Variants in NCALD observed in about 807,000 individuals in gnomAD.
The protein encoded by NCALD is neurocalcin-delta.
Under a neutral mutation model 18.6 loss-of-function variants are expected in NCALD, and 10 were observed. The observed-to-expected ratio is 0.54, with a 90% CI of 0.33 to 0.91. The LOEUF (loss-of-function observed/expected upper bound fraction) is 0.91, where lower values mean the gene tolerates loss of function less well. Among genes scored for constraint, NCALD ranks in the 40% least tolerant of loss-of-function variants. NCALD has a pLI of 0.03. For synonymous variants in NCALD, 88 were observed against 87.4 expected (o/e 1.01, Z -0.04); for missense variants, 184 against 247.6 (o/e 0.74, Z 1.72).
intron 1 of NCALD, among the ~76,000 whole-genome samples, chr8:102,119,445 CAG>C (rs1315946663): frequency 6.6e-6 from 1 of 152,138 alleles, no homozygotes; most frequent in Non-Finnish European, 1.5e-5. Context: ...TTAGTGGAAA[CAG>C]AGTTTCAGCT....
intron 1 of NCALD, among the ~76,000 whole-genome samples, chr8:102,050,763 ATAATTT>A (rs986025215): frequency 6.8e-6 from 1 of 146,640 alleles, no homozygotes; most frequent in African/African-American, 2.5e-5. Flanking sequence ...ATATAAATAT[ATAATTT>A]TATTTTTAAT....
intron 2 of NCALD, among the ~76,000 whole-genome samples, chr8:101,947,547 TG>T (rs549577900): frequency 9.6e-4 from 146 of 152,304 alleles, no homozygotes; most frequent in African/African-American, 3.4e-3. Context: ...TAAAAAAGAC[TG>T]CATTGACATG....
At chr8:101,950,048 A>C (rs1413064771) in intron 2 of NCALD, among the ~76,000 whole-genome samples, 1 of 152,244 alleles carries the variant, frequency 6.6e-6, no homozygotes, top group East Asian at 1.9e-4. Context: ...CTGATCATTT[A>C]GACGTCAAGA....
Position 101,823,733 on chromosome 8 carries a change from A to G in NCALD, c.-20+63408T>C, listed in dbSNP as rs138870956. ...TGTTCTTTAACTGGGATTTAAGATC[A>G]CAATGTAGCAAAGCTTTAGGAGGAA... On this transcript the variant is annotated intron_variant, in intron 4 of 6. Transcript: ENST00000311028. 9.0e-3 allele frequency among the ~76,000 whole-genome samples: 1,365 copies of G among 152,336 alleles called. 14 individuals are homozygous for G. The highest frequency in any genetic ancestry group is 0.013 in the Non-Finnish European group (889 of 68,018).
upstream of NCALD, among the ~76,000 whole-genome samples, chr8:101,793,077 A>C (rs968362610): frequency 2.7e-4 from 41 of 152,322 alleles, 1 homozygote; most frequent in African/African-American, 9.9e-4. Context: ...CTGGCTGGGC[A>C]TGGTGGCTCA....
intron 2 of NCALD, among the ~76,000 whole-genome samples, chr8:101,706,645 G>C (rs1371627926): frequency 1.3e-5 from 2 of 152,218 alleles, no homozygotes; most frequent in African/African-American, 4.8e-5. Flanking sequence ...TCACGAATTT[G>C]AGTGCTCCTT....
chr8:101,819,754 T>A (rs1813644730), intron 4 of NCALD, among the ~76,000 whole-genome samples: 1 of 152,174 alleles, frequency 6.6e-6, no homozygotes, highest in South Asian at 2.1e-4. Flanking sequence ...ATTCTTCATA[T>A]GAATAACACT....
chr8:101,765,158 G>T lies in NCALD; in HGVS notation c.-20+25704C>A, dbSNP rs180942080. 3.0e-3 allele frequency among the ~76,000 whole-genome samples: 450 copies of T among 152,236 alleles called. 3 individuals are homozygous for T. Among genetic ancestry groups the T allele is most frequent in the Middle Eastern group, 0.014 (4 of 294 alleles). On this transcript the variant is annotated intron_variant, in intron 1 of 3. Transcript: ENST00000220931. Reference sequence around the variant, plus strand: ...TATCCTAATATAGACTTCTATACACGGCACTCCAGGCAAACAGAACTTACA... The same window carrying T: ...TATCCTAATATAGACTTCTATACACTGCACTCCAGGCAAACAGAACTTACA...
chr8:101,822,051 C>A (rs1251693124), intron 4 of NCALD, among the ~76,000 whole-genome samples: 1 of 152,102 alleles, frequency 6.6e-6, no homozygotes, highest in Non-Finnish European at 1.5e-5. Flanking sequence ...ATTCTTACTG[C>A]ATAAGGTTGT....
intron 4 of NCALD, among the ~76,000 whole-genome samples, chr8:101,831,389 C>T (rs1043590268): frequency 6.6e-6 from 1 of 152,282 alleles, no homozygotes; most frequent in African/African-American, 2.4e-5. Context: ...TTATCTTCAC[C>T]TAGGTTCATT....
intron 2 of NCALD, among the ~76,000 whole-genome samples, chr8:101,996,458 A>C (rs1821243179): frequency 6.6e-6 from 1 of 152,228 alleles, no homozygotes; most frequent in Admixed American, 6.5e-5. Context: ...TACAGCACCG[A>C]GCATTGGATC....
chr8:102,111,380 A>T (rs1395434738), intron 1 of NCALD, among the ~76,000 whole-genome samples: 1 of 151,680 alleles, frequency 6.6e-6, no homozygotes, highest in African/African-American at 2.4e-5. Flanking sequence ...ACTTCCAACA[A>T]CTGAGAAAAT....
chr8:102,089,809 A>T (rs1286721156), intron 1 of NCALD, among the ~76,000 whole-genome samples: 1 of 152,210 alleles, frequency 6.6e-6, no homozygotes, highest in African/African-American at 2.4e-5. Flanking sequence ...TATCTCATAA[A>T]GGAAATTCTG....
At chr8:102,116,999 C>T (rs751315862) in intron 1 of NCALD, among the ~76,000 whole-genome samples, 4 of 152,210 alleles carry the variant, frequency 2.6e-5, no homozygotes, top group Non-Finnish European at 5.9e-5. Flanking sequence ...AGCAATGTGA[C>T]GTGCAGCGCA....
At chr8:101,826,459 T>C (rs1476392107) in intron 4 of NCALD, among the ~76,000 whole-genome samples, 1 of 152,218 alleles carries the variant, frequency 6.6e-6, no homozygotes, top group Non-Finnish European at 1.5e-5. Flanking sequence ...TCAAGTAAGA[T>C]TGACTTTGGA....
intron 4 of NCALD, among the ~76,000 whole-genome samples, chr8:101,880,728 A>G (rs546406629): frequency 6.6e-6 from 1 of 152,368 alleles, no homozygotes; most frequent in African/African-American, 2.4e-5. Flanking sequence ...AAAATTTGAG[A>G]ATGTTTTGTG....
intron 2 of NCALD, among the ~76,000 whole-genome samples, chr8:101,715,617 T>G (rs1434127443): frequency 2.6e-5 from 4 of 151,814 alleles, no homozygotes; most frequent in Admixed American, 6.6e-5. Flanking sequence ...TTAAACAAAT[T>G]TACAAGAAAA....
intron 2 of NCALD, among the ~76,000 whole-genome samples, chr8:101,961,269 G>A (rs1819825255): frequency 2.0e-5 from 3 of 152,072 alleles, no homozygotes; most frequent in Admixed American, 2.0e-4. Flanking sequence ...ATAACATTGT[G>A]GTATAATAAA....
intron 3 of NCALD, among the ~76,000 whole-genome samples, chr8:101,900,952 A>T (rs1009123027): frequency 3.3e-5 from 5 of 151,508 alleles, no homozygotes; most frequent in African/African-American, 1.2e-4. Context: ...CTTATTATGA[A>T]TTTGCCTATT....
Sources: gnomAD v4.1 joint callset for allele counts (sites outside exome capture counted in the v4.1 genomes callset) on GRCh38, gnomAD v4.1.1 for gene constraint, MANE v1.5 for transcripts, NCBI Gene and HGNC (gene_info 2026-07-23, HGNC 2026-07-21) for gene names.